The following MAB21L1 variants were observed in gnomAD, a reference collection of about 807,000 sequenced individuals.
The protein encoded by MAB21L1 is putative nucleotidyltransferase MAB21L1.
Under a neutral mutation model 28.9 loss-of-function variants are expected in MAB21L1, and 8 were observed. The observed-to-expected ratio is 0.28, with a 90% CI of 0.16 to 0.50. MAB21L1 has a LOEUF of 0.50. MAB21L1 is among the 20% of genes least tolerant of loss of function. The pLI, the probability that MAB21L1 is intolerant of heterozygous loss-of-function variation, is 0.98. For missense variants in MAB21L1, 388 were observed against 466.5 expected (o/e 0.83, Z 1.55); for synonymous variants, 219 against 198.2 (o/e 1.10, Z -0.88).
Position 35,476,475 on chromosome 13 carries a change from T to C in MAB21L1, c.-337A>G, listed in dbSNP as rs1055834360. 15 of 772,458 alleles carry C rather than the reference T, an allele frequency of 1.9e-5. No individual in the cohort carries two copies. In the South Asian group the frequency reaches 2.1e-4, roughly 11 times the overall value. 47.9% of individuals were successfully genotyped at this position (772,458 alleles called of 1,614,324 possible). On this transcript the variant is annotated 5_prime_UTR_variant, in exon 1 of 1. Transcript: ENST00000379919. ...TGTGTGAGAGAACCGCATGGAGAGA[T>C]CACCTTCTCAGGAATAAAAAACAAA... is the stretch of plus-strand genomic sequence containing the variant.
Position 35,476,088 on chromosome 13 carries a change from G to C in MAB21L1, c.51C>G (p.Asn17Lys), listed in dbSNP as rs1206660859. 4.3e-6 allele frequency: 7 copies of C among 1,614,054 alleles called. No individual in the cohort carries two copies. Among genetic ancestry groups the C allele is most frequent in the Non-Finnish European group, 5.9e-6 (7 of 1,180,048 alleles). The part of the protein sequence containing the change: ...KLVYHLNKYY[N>K]EKCQARKAAI... ...CAGCTTTCCTGGCTTGGCATTTTTC[G>C]TTGTAGTATTTATTCAGATGGTAGA... Residue 17 changes from asparagine to lysine, a missense_variant, in exon 1 of 1, where the codon AAC becomes AAG. Transcript: ENST00000379919.
At position 35,476,090 on chromosome 13, in the gene MAB21L1, TGTA is replaced by T; in HGVS notation, c.46_48del (p.Tyr16del). The T allele has an allele frequency of 6.2e-7, 1 of 1,614,142 alleles. No homozygotes were observed. The highest frequency in any genetic ancestry group is 8.5e-7 in the Non-Finnish European group (1 of 1,180,026). On this transcript the variant is annotated inframe_deletion, in exon 1 of 1. Coordinates refer to ENST00000379919, the MANE Select transcript of MAB21L1 (RefSeq NM_005584.5). The stretch of plus-strand genomic sequence containing the variant: ...GCTTTCCTGGCTTGGCATTTTTCGT[TGTA>T]GTATTTATTCAGATGGTAGACCAGC...
Position 35,476,507 on chromosome 13 carries a change from G to A in MAB21L1, c.-369C>T. On this transcript the variant is annotated 5_prime_UTR_variant, in exon 1 of 1. Coordinates refer to ENST00000379919, the MANE Select transcript of MAB21L1 (RefSeq NM_005584.5). ...CTCAGGAATAAAAAACAAAAGTTGC[G>A]CTGAGACCCAGCAAAGCTCTTCCAG... 1 of 667,182 alleles carries A rather than the reference G, an allele frequency of 1.5e-6. No homozygotes were observed. Among genetic ancestry groups the A allele is most frequent in the Non-Finnish European group, 2.6e-6 (1 of 381,644 alleles). The allele number at this position is 667,182 out of a possible 1,614,324, so 41.3% of individuals were successfully genotyped here.
In MAB21L1 at chr13:35,476,167, G is replaced by A. The variant is rs2075854585; in HGVS notation, c.-29C>T. The stretch of plus-strand genomic sequence containing the variant: ...GGGGCAGAGATCCGGATTGTACACC[G>A]GAGTCTCGCAGTAAGCTGTGGGATC... On this transcript the variant is annotated 5_prime_UTR_variant, in exon 1 of 1. Transcript: ENST00000379919. 6.2e-7 allele frequency: 1 copy of A among 1,612,346 alleles called. No homozygotes were observed. The highest frequency in any genetic ancestry group is 8.5e-7 in the Non-Finnish European group (1 of 1,178,630).
chr13:35,475,135 A>C lies in MAB21L1; in HGVS notation c.1004T>G (p.Leu335Arg). 6.2e-7 allele frequency: 1 copy of C among 1,614,148 alleles called. No homozygotes were observed. Among genetic ancestry groups the C allele is most frequent in the South Asian group, 1.1e-5 (1 of 91,080 alleles). Residue 335 changes from leucine to arginine, a missense_variant, in exon 1 of 1, where the codon CTG (leucine) becomes CGG (arginine). Physicochemically the swap from Leu to Arg is moderately radical, Grantham distance 102 (BLOSUM62 -2). Around this residue, in one of 3 missense-constraint regions of MAB21L1, gnomAD observed 218 missense variants for 220.6 expected, o/e 0.99. Transcript: ENST00000379919. The part of the protein sequence containing the change: ...DLFQGKPHSA[L>R]ENAAKQTWRL... ...CCACGTTTGTTTGGCAGCGTTTTCC[A>C]GAGCTGAGTGAGGTTTGCCTTGAAA...
Position 35,475,265 on chromosome 13 carries a change from C to T in MAB21L1, c.874G>A (p.Asp292Asn). ...AGCCGATCACCCAGGCAAGACTCGT[C>T]CCAGTCCGACTCTCGGGGATGCTTT... ...CEKHPRESDWDESCLGDRLNG... is the reference protein window; with the variant it reads ...CEKHPRESDWNESCLGDRLNG... The change falls in exon 1 of 1, where the codon GAC (aspartate) becomes AAC (asparagine). Residue 292 changes from aspartate to asparagine, a missense_variant. Coordinates refer to ENST00000379919, the MANE Select transcript of MAB21L1 (RefSeq NM_005584.5). 6.2e-7 allele frequency: 1 copy of T among 1,614,004 alleles called. No homozygotes were observed. The highest frequency in any genetic ancestry group is 8.5e-7 in the Non-Finnish European group (1 of 1,180,010).
chr13:35,475,123 G>A lies in MAB21L1; in HGVS notation c.1016C>T (p.Ala339Val). 6.2e-7 allele frequency: 1 copy of A among 1,614,074 alleles called. No homozygotes were observed. Among genetic ancestry groups the A allele is most frequent in the African/African-American group, 1.3e-5 (1 of 74,996 alleles). Residue 339 changes from alanine to valine, a missense_variant, in exon 1 of 1, where the codon GCC becomes GTC. Coordinates refer to ENST00000379919, the MANE Select transcript of MAB21L1 (RefSeq NM_005584.5). The stretch of plus-strand genomic sequence containing the variant: ...TCTTGCCAGTCGCCACGTTTGTTTG[G>A]CAGCGTTTTCCAGAGCTGAGTGAGG... ...GKPHSALENA[A>V]KQTWRLAREI...
rs1405611970 is a variant in MAB21L1 at position 35,474,360 on chromosome 13, C to G, written c.*699G>C. On this transcript the variant is annotated 3_prime_UTR_variant, in exon 1 of 1. Transcript: ENST00000379919. ...TATTATATAAGCTGAATTCAAATTT[C>G]TTTGAATATATTTAAATAACATTTC... is the stretch of plus-strand genomic sequence containing the variant. The G allele has an allele frequency of 6.6e-6, 1 of 152,460 alleles. No individual in the cohort carries two copies. Among genetic ancestry groups the G allele is most frequent in the East Asian group, 1.9e-4 (1 of 5,190 alleles). 9.4% of individuals were successfully genotyped at this position (152,460 alleles called of 1,614,324 possible).
At position 35,475,336 on chromosome 13, in the gene MAB21L1, G is replaced by T; in HGVS notation, c.803C>A (p.Pro268His). 2 of 1,613,990 alleles carry T rather than the reference G, an allele frequency of 1.2e-6. No individual in the cohort carries two copies. The highest frequency in any genetic ancestry group is 1.7e-6 in the Non-Finnish European group (2 of 1,180,016). Reference sequence around the variant, plus strand: ...AGTCTTCATATGGTAATTGTTCAAGGGCTGGCCCGGCAGTTCAAGGTGACG... The same window carrying T: ...AGTCTTCATATGGTAATTGTTCAAGTGCTGGCCCGGCAGTTCAAGGTGACG... ...RDRHLELPGQ[P>H]LNNYHMKTLV... is the part of the protein sequence containing the mutation. The change falls in exon 1 of 1, where the codon CCC (proline) becomes CAC (histidine). Residue 268 changes from proline (P) to histidine (H), a missense_variant. Pro to His is a moderately conservative substitution (Grantham distance 77, BLOSUM62 -2). Transcript: ENST00000379919.
In MAB21L1 at chr13:35,475,824, C is replaced by G. The variant is rs2075838002; in HGVS notation, c.315G>C (p.Gly105=). 6.2e-7 allele frequency: 1 copy of G among 1,613,864 alleles called. No individual in the cohort carries two copies. Among genetic ancestry groups the G allele is most frequent in the Non-Finnish European group, 8.5e-7 (1 of 1,180,016 alleles). ...CCCAGAGGGACATGCTCCTCTTGCGCCCGTCGCTCAACTTCAGCACCGCGC... is the reference window on the plus strand; with the variant it reads ...CCCAGAGGGACATGCTCCTCTTGCGGCCGTCGCTCAACTTCAGCACCGCGC... ...PGCAVLKLSD[G]RKRSMSLWVE... Residue 105 remains glycine, a synonymous_variant, in exon 1 of 1, where the codon GGG becomes GGC. Coordinates refer to ENST00000379919, the MANE Select transcript of MAB21L1 (RefSeq NM_005584.5).
At position 35,475,446 on chromosome 13, in the gene MAB21L1, C is replaced by T; in HGVS notation, c.693G>A (p.Val231=). ...KQSSAESDAW[V]LQFAEAENRL... ...TGTTCTCTGCCTCCGCGAACTGCAG[C>T]ACCCAGGCGTCGCTCTCCGCCGAGC... Residue 231 remains valine, a synonymous_variant, in exon 1 of 1, where the codon GTG becomes GTA. Transcript: ENST00000379919. 6.2e-7 allele frequency: 1 copy of T among 1,613,274 alleles called. No individual in the cohort carries two copies. Among genetic ancestry groups the T allele is most frequent in the Non-Finnish European group, 8.5e-7 (1 of 1,179,908 alleles).
At position 35,475,623 on chromosome 13, in the gene MAB21L1, C is replaced by T. The variant is rs960289192; in HGVS notation, c.516G>A (p.Pro172=). The change falls in exon 1 of 1, where the codon CCG becomes CCA. Residue 172 remains proline, a synonymous_variant. Coordinates refer to ENST00000379919, the MANE Select transcript of MAB21L1 (RefSeq NM_005584.5). ...IRDRYVVQIT[P]AFKCTGIWPR... ...GCCAGATCCCGGTGCATTTAAAGGC[C>T]GGCGTGATCTGCACCACGTACCTAT... 20 of 1,613,646 alleles carry T rather than the reference C, an allele frequency of 1.2e-5. No individual in the cohort carries two copies. In the Admixed American group the frequency reaches 1.8e-4, roughly 15 times the overall value.
Position 35,475,318 on chromosome 13 carries a change from A to G in MAB21L1, c.821T>C (p.Met274Thr), listed in dbSNP as rs746764847. 1 of 1,614,088 alleles carries G rather than the reference A, an allele frequency of 6.2e-7. No homozygotes were observed. The change falls in exon 1 of 1, where the codon ATG becomes ACG. Residue 274 changes from methionine (M) to threonine (T), a missense_variant. Physicochemically the swap from Met to Thr is moderately conservative, Grantham distance 81 (BLOSUM62 -1). This residue lies in a region of MAB21L1 where 218 missense variants were observed against 220.6 expected (regional missense o/e 0.99). Transcript: ENST00000379919. ...LPGQPLNNYH[M>T]KTLVSYECEK... ...ACACTCGTAGGAAACCAGAGTCTTC[A>G]TATGGTAATTGTTCAAGGGCTGGCC...
At position 35,476,109 on chromosome 13, in the gene MAB21L1, G is replaced by A; in HGVS notation, c.30C>T (p.Tyr10=). ...TTTCGTTGTAGTATTTATTCAGATG[G>A]TAGACCAGCTTGGCCTGGGCCGCAA... The part of the protein sequence containing the change: MIAAQAKLV[Y]HLNKYYNEKC... The change falls in exon 1 of 1, where the codon TAC becomes TAT. Residue 10 remains tyrosine (Y), a synonymous_variant. Transcript: ENST00000379919. 6.2e-6 allele frequency: 10 copies of A among 1,614,194 alleles called. No homozygotes were observed. The highest frequency in any genetic ancestry group is 8.5e-6 in the Non-Finnish European group (10 of 1,180,036).
Position 35,474,954 on chromosome 13 carries a change from A to T in MAB21L1, c.*105T>A. The T allele has an allele frequency of 8.2e-7, 1 of 1,226,786 alleles. No homozygotes were observed. The highest frequency in any genetic ancestry group is 1.1e-6 in the Non-Finnish European group (1 of 871,604). The allele number at this position is 1,226,786 out of a possible 1,614,324, so 76.0% of individuals were successfully genotyped here. A position where few individuals can be genotyped will look rare whatever the true frequency, so the allele number is the denominator to read the frequency against. ...TATTATTATTCCTTTTTAAAGGAAG[A>T]GATTGTTTGCACTGCGGAGTGGAAT... On this transcript the variant is annotated 3_prime_UTR_variant, in exon 1 of 1. Transcript: ENST00000379919.
Position 35,475,037 on chromosome 13 carries a change from C to T in MAB21L1, c.*22G>A. 1.9e-6 allele frequency: 3 copies of T among 1,598,634 alleles called. No individual in the cohort carries two copies. Among genetic ancestry groups the T allele is most frequent in the Non-Finnish European group, 2.6e-6 (3 of 1,171,326 alleles). On this transcript the variant is annotated 3_prime_UTR_variant, in exon 1 of 1. Transcript: ENST00000379919. ...AGGACTTTGAGAAGGGTAATAATTT[C>T]GGCTCTTGATTAAATCATCCTCTAA... is the stretch of plus-strand genomic sequence containing the variant.
In MAB21L1 at chr13:35,475,433, C is replaced by T. The variant is rs1410180245; in HGVS notation, c.706G>A (p.Glu236Lys). 4 of 1,613,486 alleles carry T rather than the reference C, an allele frequency of 2.5e-6. No individual in the cohort carries two copies. In the East Asian group the frequency reaches 8.9e-5, roughly 36 times the overall value. The change falls in exon 1 of 1, where the codon GAG becomes AAG. Residue 236 changes from glutamate to lysine, a missense_variant. Coordinates refer to ENST00000379919, the MANE Select transcript of MAB21L1 (RefSeq NM_005584.5). Reference protein sequence around the residue: ...ESDAWVLQFAEAENRLQMGGC... With the variant: ...ESDAWVLQFAKAENRLQMGGC... ...CCCATCTGCAGTCTGTTCTCTGCCT[C>T]CGCGAACTGCAGCACCCAGGCGTCG...
rs760329379 is a variant in MAB21L1 at position 35,475,675 on chromosome 13, G to T, written c.464C>A (p.Thr155Asn). The change falls in exon 1 of 1, where the codon ACC becomes AAC. Residue 155 changes from threonine (T) to asparagine (N), a missense_variant. This residue lies in a region of MAB21L1 where 81 missense variants were observed against 153.7 expected (regional missense o/e 0.53). Coordinates refer to ENST00000379919, the MANE Select transcript of MAB21L1 (RefSeq NM_005584.5). Reference protein sequence around the residue: ...YRDVVKMVADTSEVKLRIRDR... With the variant: ...YRDVVKMVADNSEVKLRIRDR... Reference sequence around the variant, plus strand: ...TCGGATTCTCAGTTTCACTTCGCTGGTGTCTGCCACCATCTTTACCACATC... The same window carrying T: ...TCGGATTCTCAGTTTCACTTCGCTGTTGTCTGCCACCATCTTTACCACATC... 1 of 1,613,800 alleles carries T rather than the reference G, an allele frequency of 6.2e-7. No individual in the cohort carries two copies. Among genetic ancestry groups the T allele is most frequent in the Admixed American group, 1.7e-5 (1 of 59,974 alleles).
rs755946670 is a variant in MAB21L1, at chr13:35,475,542, C to G, written c.597G>C (p.Arg199=). The change falls in exon 1 of 1, where the codon CGG becomes CGC. Residue 199 remains arginine, a synonymous_variant. Transcript: ENST00000379919. ...LPHIPWPGPN[R]VAEVKAEGFN... is the part of the protein sequence containing the mutation. Reference sequence around the variant, plus strand: ...AACCTTCCGCCTTGACCTCCGCCACCCGGTTGGGTCCCGGCCAGGGGATGT... The same window carrying G: ...AACCTTCCGCCTTGACCTCCGCCACGCGGTTGGGTCCCGGCCAGGGGATGT... 72 of 1,613,136 alleles carry G rather than the reference C, an allele frequency of 4.5e-5. 1 individual carries two copies. The Admixed American group carries it at 1.2e-3, about 26-fold the overall frequency.
Sources: allele counts gnomAD v4.1 joint callset, GRCh38; gene constraint gnomAD v4.1.1; regional missense constraint gnomAD v4.1.1; transcripts MANE v1.5; gene names NCBI Gene and HGNC (gene_info 2026-07-23, HGNC 2026-07-21).